USP39: variants seen among roughly 807,000 people sequenced by gnomAD.
USP39 encodes the protein ubiquitin specific peptidase 39.
In USP39, 38 loss-of-function variants were observed where a neutral mutation model predicts 66.4. The observed-to-expected ratio is 0.57, with a 90% CI of 0.44 to 0.75. The LOEUF is 0.75. Ranked by LOEUF, USP39 falls within the 30% of genes least tolerant of loss-of-function variation. The probability of loss-of-function intolerance (pLI) is 0.00; values close to 1 mark genes in which losing one functional copy is unlikely to be tolerated. For missense variants in USP39, 608 were observed against 714.4 expected (o/e 0.85, Z 1.70); for synonymous variants, 303 against 274.6 (o/e 1.10, Z -1.02).
intron 10 of USP39, among the ~76,000 whole-genome samples, chr2:85,642,415 G>T (rs1030479374): frequency 2.6e-5 from 4 of 152,154 alleles, no homozygotes; most frequent in African/African-American, 9.7e-5. Context: ...TCTGTTCCTG[G>T]TAGGTAGGGG....
At position 85,636,921 on chromosome 2, in the gene USP39, C is replaced by G. The variant is rs368071169; in HGVS notation, c.1028-448C>G. ...GTTCTAGAACTTGGTTGTGCTTTCTCTCTTGTTGCTTTGATCCTGTTCTGG... is the reference window on the plus strand; with the variant it reads ...GTTCTAGAACTTGGTTGTGCTTTCTGTCTTGTTGCTTTGATCCTGTTCTGG... On this transcript the variant is annotated intron_variant, in intron 7 of 12. Transcript: ENST00000323701. Among the ~76,000 whole-genome samples, 63 of 152,316 alleles carry G rather than the reference C, an allele frequency of 4.1e-4. 1 individual carries two copies. The South Asian group carries it at 8.3e-3, about 20-fold the overall frequency.
upstream of USP39, chr2:85,609,068 C>T (rs1349747820): frequency 6.2e-7 from 1 of 1,614,114 alleles, no homozygotes; most frequent in Non-Finnish European, 8.5e-7. Flanking sequence ...GGTCATCACC[C>T]TACGTGGAGG....
intron 6 of USP39, among the ~76,000 whole-genome samples, chr2:85,632,030 C>T (rs1675388996): frequency 6.6e-6 from 1 of 152,190 alleles, no homozygotes; most frequent in African/African-American, 2.4e-5. Flanking sequence ...GTGTGAGCCA[C>T]TGCGCCCGGC....
Position 85,619,240 on chromosome 2 carries a change from T to C in USP39, c.289T>C (p.Ser97Pro). The C allele has an allele frequency of 6.2e-7, 1 of 1,613,906 alleles. No homozygotes were observed. Among genetic ancestry groups the C allele is most frequent in the Non-Finnish European group, 8.5e-7 (1 of 1,179,976 alleles). ...EVRAKNGRVD[S>P]EDRRSRHCPY... The stretch of plus-strand genomic sequence containing the variant: ...TTCAGCAAAGAATGGCCGAGTGGAT[T>C]CTGAGGACCGGAGGAGCCGCCACTG... The change falls in exon 2 of 13, where the codon TCT becomes CCT. Residue 97 changes from serine to proline, a missense_variant. This residue lies in a region of USP39 where 207 missense variants were observed against 145.7 expected (regional missense o/e 1.42). Coordinates refer to ENST00000323701, the MANE Select transcript of USP39 (RefSeq NM_006590.4).
chr2:85,648,737 A>G (rs753989057), intron 12 of USP39, 24 bp from the exon 13 acceptor site: 2 of 1,613,878 alleles, frequency 1.2e-6, no homozygotes, highest in East Asian at 2.2e-5. Flanking sequence ...CCTAGACTTC[A>G]GTTTGTGTTT....
At chr2:85,628,046 G>A (rs1255989328) in intron 5 of USP39, among the ~76,000 whole-genome samples, 1 of 152,104 alleles carries the variant, frequency 6.6e-6, no homozygotes, top group Non-Finnish European at 1.5e-5. Context: ...TACATTCAGT[G>A]TCTGCTCTTG....
chr2:85,637,533 C>T, intron 8 of USP39, 97 bp downstream of exon 8: 4 of 1,344,578 alleles, frequency 3.0e-6, no homozygotes, highest in East Asian at 2.3e-5. Flanking sequence ...AGCCTGCTTG[C>T]CCTGTGAAGA....
intron 1 of USP39, among the ~76,000 whole-genome samples, chr2:85,617,450 ACT>A (rs1674079216): frequency 6.6e-6 from 1 of 151,948 alleles, no homozygotes; most frequent in South Asian, 2.1e-4. Flanking sequence ...TTTCTCCTGG[ACT>A]CTCGTTAAGG....
At chr2:85,608,926 G>A (rs1335369043), upstream of USP39, 1 of 1,613,890 alleles carries the variant, frequency 6.2e-7, no homozygotes, top group African/African-American at 1.3e-5. Context: ...CCAGCCTGGA[G>A]AGAACGCCTT....
At chr2:85,603,341 A>C (rs1373446476) in intron 1 of USP39, 1 of 152,250 alleles carries the variant, frequency 6.6e-6, no homozygotes, top group East Asian at 1.9e-4. Flanking sequence ...CCGACTGATC[A>C]ACACTTATTT....
At position 85,616,228 on chromosome 2, in the gene USP39, T is replaced by C; in HGVS notation, c.33T>C (p.Gly11=). Residue 11 remains glycine, a synonymous_variant, in exon 1 of 13, where the codon GGT becomes GGC. Coordinates refer to ENST00000323701, the MANE Select transcript of USP39 (RefSeq NM_006590.4). ...GCCGGTCTAAGCGGGAGTCTCGCGG[T>C]TCCACTCGCGGGAAGCGAGAGTCTG... MSGRSKRESR[G]STRGKRESES... 1 of 1,486,512 alleles carries C rather than the reference T, an allele frequency of 6.7e-7. No individual in the cohort carries two copies. 92.1% of individuals were successfully genotyped at this position (1,486,512 alleles called of 1,614,324 possible). A position where few individuals can be genotyped will look rare whatever the true frequency, so the allele number is the denominator to read the frequency against.
chr2:85,633,669 A>T (rs1573428799), intron 6 of USP39, among the ~76,000 whole-genome samples: 1 of 151,908 alleles, frequency 6.6e-6, no homozygotes, highest in East Asian at 1.9e-4. Context: ...TGAGAGGCTG[A>T]GGTTGGAGGA....
In USP39 at chr2:85,616,294, T is replaced by A. The variant is rs183831987; in HGVS notation, c.99T>A (p.Asp33Glu). ...GSSGRVKRER[D>E]REREPEAASS... ...CCGGTCGCGTCAAGCGGGAGCGAGA[T>A]CGGGAGCGGGAGCCTGAGGCGGCGA... Residue 33 changes from aspartate to glutamate, a missense_variant, in exon 1 of 13, where the codon GAT (aspartate) becomes GAA (glutamate). Around this residue, in one of 6 missense-constraint regions of USP39, gnomAD observed 207 missense variants for 145.7 expected, o/e 1.42. Coordinates refer to ENST00000323701, the MANE Select transcript of USP39 (RefSeq NM_006590.4). The A allele has an allele frequency of 2.3e-4, 364 of 1,566,624 alleles. 2 individuals carry two copies. The African/African-American group carries it at 4.6e-3, about 20-fold the overall frequency.
chr2:85,641,127 C>T lies in USP39; in HGVS notation c.1427+9C>T, dbSNP rs1440213557. On this transcript the variant is annotated intron_variant, in intron 10 of 12. Coordinates refer to ENST00000323701, the MANE Select transcript of USP39 (RefSeq NM_006590.4). ...GTCAATTTCCCTATTACGTAAGTAA[C>T]ATCCTGCCTCACTTCTCTCACGGGG... 2 of 1,611,630 alleles carry T rather than the reference C, an allele frequency of 1.2e-6. No homozygotes were observed. Among genetic ancestry groups the T allele is most frequent in the Admixed American group, 1.7e-5 (1 of 59,322 alleles).
At position 85,648,972 on chromosome 2, in the gene USP39, G is replaced by C; in HGVS notation, c.*164G>C. ...CACCAAGAGCCCACTTGCCTGGGAT[G>C]GCCCCACACTGTCACTCAGCTGTTC... is the stretch of plus-strand genomic sequence containing the variant. On this transcript the variant is annotated 3_prime_UTR_variant, in exon 13 of 13. Coordinates refer to ENST00000323701, the MANE Select transcript of USP39 (RefSeq NM_006590.4). 1 of 738,456 alleles carries C rather than the reference G, an allele frequency of 1.4e-6. No homozygotes were observed. Among genetic ancestry groups the C allele is most frequent in the Non-Finnish European group, 2.3e-6 (1 of 426,426 alleles). The allele number at this position is 738,456 out of a possible 1,614,324, so 45.7% of individuals were successfully genotyped here.
chr2:85,631,086 C>T (rs923908811), intron 6 of USP39, 140 bp downstream of exon 6: 2 of 754,316 alleles, frequency 2.7e-6, no homozygotes, highest in African/African-American at 1.8e-5. Flanking sequence ...ATGGTCTCAG[C>T]TCACTGCAAC....
chr2:85,614,411 G>T (rs1673776820), upstream of USP39, among the ~76,000 whole-genome samples: 2 of 152,176 alleles, frequency 1.3e-5, no homozygotes, highest in South Asian at 4.2e-4. Flanking sequence ...CTACTCAGGA[G>T]TCTGAGGCAG....
intron 7 of USP39, 63 bp downstream of exon 7, chr2:85,636,193 C>G (rs966119189): frequency 5.4e-6 from 8 of 1,481,310 alleles, no homozygotes; most frequent in East Asian, 2.3e-5. Context: ...TGCGGTCGGT[C>G]GCAATGGCTC....
chr2:85,619,121 T>C, intron 1 of USP39, 99 bp from the exon 2 acceptor site: 1 of 1,358,838 alleles, frequency 7.4e-7, no homozygotes, highest in Non-Finnish European at 1.0e-6. Flanking sequence ...GGAACTCATC[T>C]TGATTAGTTT....
Sources: allele counts gnomAD v4.1 joint callset (sites outside exome capture counted in the v4.1 genomes callset), GRCh38; gene constraint gnomAD v4.1.1; regional missense constraint gnomAD v4.1.1; transcripts MANE v1.5; gene names NCBI Gene and HGNC (gene_info 2026-07-23, HGNC 2026-07-21).